UBTD2: variants seen among roughly 807,000 people sequenced by gnomAD.
UBTD2 encodes ubiquitin domain-containing protein 2.
In UBTD2, 9 loss-of-function variants were observed where a neutral mutation model predicts 19.8. The observed-to-expected ratio is 0.46, with a 90% CI of 0.27 to 0.79. UBTD2 has a LOEUF of 0.79. UBTD2 is among the 30% of genes least tolerant of loss of function. UBTD2 has a pLI of 0.14. For missense variants in UBTD2, 250 were observed against 300.4 expected, an observed-to-expected ratio of 0.83 and a Z score of 1.24; for synonymous variants, 98 against 103.9, an observed-to-expected ratio of 0.94 and a Z score of 0.35.
chr5:172,237,435 T>A (rs1444679476), intron 1 of UBTD2, among the ~76,000 whole-genome samples: 1 of 152,188 alleles, frequency 6.6e-6, no homozygotes, highest in South Asian at 2.1e-4. Context: ...AGTTTCACGG[T>A]AATTTGTGAC....
chr5:172,260,919 C>T (rs540529214), intron 1 of UBTD2, among the ~76,000 whole-genome samples: 10 of 152,150 alleles, frequency 6.6e-5, no homozygotes, highest in Non-Finnish European at 1.5e-4. Context: ...AAACCCAGAG[C>T]AGTGAAAGCC....
chr5:172,279,524 T>C (rs1372812826), intron 1 of UBTD2, among the ~76,000 whole-genome samples: 1 of 152,234 alleles, frequency 6.6e-6, no homozygotes, highest in Non-Finnish European at 1.5e-5. Flanking sequence ...AGTTATTCTC[T>C]GTAAACCTGG....
At chr5:172,251,322 A>C (rs185685793) in intron 1 of UBTD2, among the ~76,000 whole-genome samples, 1 of 151,722 alleles carries the variant, frequency 6.6e-6, no homozygotes, top group East Asian at 1.9e-4. Flanking sequence ...CTCAAAAAAA[A>C]AAAAGAAAAT....
intron 1 of UBTD2, among the ~76,000 whole-genome samples, chr5:172,272,916 T>C (rs1339249342): frequency 6.6e-6 from 1 of 151,774 alleles, no homozygotes; most frequent in Non-Finnish European, 1.5e-5. Flanking sequence ...CCATCTCTAC[T>C]AAAAATACAA....
At position 172,228,998 on chromosome 5, in the gene UBTD2, C is replaced by A. The variant is rs1449023243; in HGVS notation, c.307+5124G>T. Among the ~76,000 whole-genome samples, 8 of 152,206 alleles carry A rather than the reference C, an allele frequency of 5.3e-5. No individual in the cohort carries two copies. The South Asian group carries it at 1.7e-3, about 32-fold the overall frequency. On this transcript the variant is annotated intron_variant, in intron 2 of 2. Transcript: ENST00000393792. ...GAAAAGAGAAATAAAAAAAGTTAAG[C>A]CTTTTAAGAATTAACTTTTTCTACC...
At chr5:172,270,906 T>A (rs1286805164) in intron 1 of UBTD2, among the ~76,000 whole-genome samples, 1 of 152,132 alleles carries the variant, frequency 6.6e-6, no homozygotes, top group Non-Finnish European at 1.5e-5. Flanking sequence ...TTTAAACCAC[T>A]TCACTAATAT....
intron 1 of UBTD2, among the ~76,000 whole-genome samples, chr5:172,264,610 G>A (rs1034671950): frequency 3.3e-5 from 5 of 151,190 alleles, no homozygotes; most frequent in Admixed American, 3.3e-4. Context: ...ACACACCGTG[G>A]CTCATGCCTG....
intron 1 of UBTD2, chr5:172,255,064 C>T (rs554769119): frequency 9.4e-5 from 47 of 499,924 alleles, no homozygotes; most frequent in South Asian, 1.2e-4. Context: ...CCATCATCTG[C>T]GGCATGGACA....
chr5:172,242,226 T>C (rs1193261257), intron 1 of UBTD2, among the ~76,000 whole-genome samples: 1 of 152,238 alleles, frequency 6.6e-6, no homozygotes, highest in Non-Finnish European at 1.5e-5. Context: ...CTCTTTTCTT[T>C]ATAAATTACC....
intron 1 of UBTD2, among the ~76,000 whole-genome samples, chr5:172,243,084 T>C (rs937961555): frequency 6.6e-6 from 1 of 150,812 alleles, no homozygotes; most frequent in African/African-American, 2.4e-5. Context: ...TGCCTCAGCC[T>C]CCCAAAGTGC....
intron 1 of UBTD2, among the ~76,000 whole-genome samples, chr5:172,269,490 CAA>C (rs373193759): frequency 4.9e-4 from 36 of 73,116 alleles, no homozygotes; most frequent in Admixed American, 6.2e-4. Flanking sequence ...GGCCCTGTCT[CAA>C]AAAAAAAAAA....
intron 1 of UBTD2, among the ~76,000 whole-genome samples, chr5:172,243,554 CTTTTTTTTTTT>C (rs58327908): frequency 3.0e-5 from 3 of 101,072 alleles, no homozygotes; most frequent in African/African-American, 3.9e-5. Context: ...TGTGAGAAAC[CTTTTTTTTTTT>C]TTTTTTTTTT....
intron 1 of UBTD2, among the ~76,000 whole-genome samples, chr5:172,249,566 T>C (rs996993809): frequency 6.6e-6 from 1 of 152,008 alleles, no homozygotes; most frequent in African/African-American, 2.4e-5. Context: ...CCTTAAGATA[T>C]ACGCAAAACC....
rs70982379 is a variant in UBTD2 at position 172,246,751 on chromosome 5, CTTTTTTTTTTTTT to C, written c.71-12406_71-12394del. On this transcript the variant is annotated intron_variant, in intron 1 of 2. Transcript: ENST00000393792. ...GAGCCACCACGCCCAGCCGAGATTG[CTTTTTTTTTTTTT>C]TTTTTTTTTTTTTTTTTGAGACAGA... Among the ~76,000 whole-genome samples the C allele has an allele frequency of 1.0e-3, 63 of 62,492 alleles. 2 individuals are homozygous for C. Among genetic ancestry groups the C allele is most frequent in the Middle Eastern group, 0.02 (1 of 50 alleles). The allele number at this position is 62,492 out of a possible 152,430, so 41.0% of individuals were successfully genotyped here.
intron 1 of UBTD2, among the ~76,000 whole-genome samples, chr5:172,244,068 C>A (rs1772187475): frequency 6.6e-6 from 1 of 151,940 alleles, no homozygotes; most frequent in Non-Finnish European, 1.5e-5. Context: ...TGGGCCCATG[C>A]CTAATCTTCC....
chr5:172,257,210 C>G (rs926863060), intron 1 of UBTD2, among the ~76,000 whole-genome samples: 42 of 152,286 alleles, frequency 2.8e-4, no homozygotes, highest in African/African-American at 9.9e-4. Context: ...ATGTTTAGCT[C>G]CCACTTATTA....
rs144720396 is a variant in UBTD2, at chr5:172,212,161, G to A, written c.374C>T (p.Pro125Leu). 14 of 1,614,052 alleles carry A rather than the reference G, an allele frequency of 8.7e-6. No homozygotes were observed. Among genetic ancestry groups the A allele is most frequent in the African/African-American group, 4.0e-5 (3 of 75,024 alleles). The change falls in exon 3 of 3, where the codon CCG becomes CTG. Residue 125 changes from proline to leucine, a missense_variant. Transcript: ENST00000393792. The stretch of plus-strand genomic sequence containing the variant: ...CTTTTCCTCTATCATGTTGATTGGC[G>A]GTGCCAAGCAATACACTGGAAGCTG... Reference protein sequence around the residue: ...RYQLPVYCLAPPINMIEEKSD... With the variant: ...RYQLPVYCLALPINMIEEKSD...
chr5:172,271,411 A>G (rs1755487828), intron 1 of UBTD2, among the ~76,000 whole-genome samples: 1 of 148,112 alleles, frequency 6.8e-6, no homozygotes, highest in African/African-American at 2.5e-5. Context: ...CCTGGGTGAC[A>G]GAGCTAGACT....
chr5:172,258,088 T>C (rs1297797804), intron 1 of UBTD2, among the ~76,000 whole-genome samples: 1 of 152,238 alleles, frequency 6.6e-6, no homozygotes, highest in East Asian at 1.9e-4. Context: ...CCAGGGCCTA[T>C]GTCCAGAATG....
Sources: allele counts gnomAD v4.1 joint callset (sites outside exome capture counted in the v4.1 genomes callset), GRCh38; gene constraint gnomAD v4.1.1; transcripts MANE v1.5; gene names NCBI Gene and HGNC (gene_info 2026-07-23, HGNC 2026-07-21).